Variants in GSE1 observed in about 807,000 individuals in gnomAD.
GSE1 encodes the protein genetic suppressor element 1.
GSE1 carries 32 observed loss-of-function variants against 112.6 expected under a neutral mutation model. The observed-to-expected ratio is 0.28, with a 90% CI of 0.21 to 0.38. GSE1 has a LOEUF of 0.38. GSE1 is among the 10% of genes least tolerant of loss of function. The pLI, the probability that GSE1 is intolerant of heterozygous loss-of-function variation, is 1.00. For synonymous variants in GSE1, 1,115 were observed against 735.6 expected (o/e 1.52, Z -8.35); for missense variants, 2,348 against 1,699.2 (o/e 1.38, Z -6.71).
chr16:85,295,859 C>T (rs2045351580), intron 1 of GSE1, among the ~76,000 whole-genome samples: 1 of 151,448 alleles, frequency 6.6e-6, no homozygotes, highest in East Asian at 1.9e-4. Flanking sequence ...CCCACCTTGG[C>T]CTCCCAAAGT....
At chr16:85,292,722 A>G (rs2045258755) in intron 1 of GSE1, among the ~76,000 whole-genome samples, 1 of 152,092 alleles carries the variant, frequency 6.6e-6, no homozygotes, top group Non-Finnish European at 1.5e-5. Context: ...GACCTCCCAA[A>G]GTGCTGGGAT....
chr16:85,434,040 G>C (rs2049184149), intron 2 of GSE1, among the ~76,000 whole-genome samples: 1 of 152,138 alleles, frequency 6.6e-6, no homozygotes, highest in South Asian at 2.1e-4. Context: ...CTGAGGGCCT[G>C]TGGGCACCAA....
chr16:85,295,729 A>G (rs952111700), intron 1 of GSE1, among the ~76,000 whole-genome samples: 1 of 151,550 alleles, frequency 6.6e-6, no homozygotes, highest in African/African-American at 2.4e-5. Flanking sequence ...GAAAACACAC[A>G]TCGATCCTTT....
At chr16:85,616,873 G>C (rs186238919) in intron 1 of GSE1, among the ~76,000 whole-genome samples, 1 of 152,176 alleles carries the variant, frequency 6.6e-6, no homozygotes, top group Non-Finnish European at 1.5e-5. Context: ...GAATCCAGCC[G>C]TGTGCTTGCT....
intron 1 of GSE1, among the ~76,000 whole-genome samples, chr16:85,321,946 C>G (rs1266321076): frequency 6.6e-6 from 1 of 152,206 alleles, no homozygotes; most frequent in Admixed American, 6.5e-5. Context: ...TGGGGTAGAG[C>G]CAGACCCCAA....
intron 1 of GSE1, among the ~76,000 whole-genome samples, chr16:85,287,429 T>G (rs933623969): frequency 6.6e-6 from 1 of 152,066 alleles, no homozygotes; most frequent in South Asian, 2.1e-4. Flanking sequence ...GACAAGGCAG[T>G]AATGATCCAC....
At chr16:85,570,636 C>T (rs1248444159) in intron 1 of GSE1, among the ~76,000 whole-genome samples, 1 of 152,288 alleles carries the variant, frequency 6.6e-6, no homozygotes, top group African/African-American at 2.4e-5. Flanking sequence ...GGGTGAGCCG[C>T]GTGGGAGGAA....
intron 1 of GSE1, among the ~76,000 whole-genome samples, chr16:85,280,536 C>G (rs1225985507): frequency 6.6e-6 from 1 of 152,194 alleles, no homozygotes; most frequent in African/African-American, 2.4e-5. Flanking sequence ...GCTGGGACTA[C>G]AGGCGCCCGC....
At chr16:85,293,593 G>T (rs1284187637) in intron 1 of GSE1, among the ~76,000 whole-genome samples, 4 of 152,156 alleles carry the variant, frequency 2.6e-5, no homozygotes, top group Non-Finnish European at 5.9e-5. Flanking sequence ...CAGTAGAAAT[G>T]TATTCTCTCA....
At chr16:85,434,248 C>A (rs938346091) in intron 2 of GSE1, among the ~76,000 whole-genome samples, 4 of 151,854 alleles carry the variant, frequency 2.6e-5, no homozygotes, top group African/African-American at 9.7e-5. Flanking sequence ...CGCCTTACAG[C>A]CCCTCCTGCC....
chr16:85,261,565 G>A (rs1346207477), intron 1 of GSE1, among the ~76,000 whole-genome samples: 2 of 152,222 alleles, frequency 1.3e-5, no homozygotes, highest in African/African-American at 2.4e-5. Flanking sequence ...GAGAGGCCAG[G>A]ACAGGCTCAG....
At chr16:85,628,270 ACAT>A (rs1814738504) in intron 1 of GSE1, among the ~76,000 whole-genome samples, 1 of 152,246 alleles carries the variant, frequency 6.6e-6, no homozygotes. Context: ...AAGTGACCTG[ACAT>A]CAGCAGAGCC....
chr16:85,498,129 C>G (rs1186062470), intron 2 of GSE1, among the ~76,000 whole-genome samples: 1 of 152,042 alleles, frequency 6.6e-6, no homozygotes, highest in Non-Finnish European at 1.5e-5. Flanking sequence ...GAGAGTGGAG[C>G]TGGCGGGAGG....
intron 1 of GSE1, among the ~76,000 whole-genome samples, chr16:85,586,761 G>A (rs2046717143): frequency 6.6e-6 from 1 of 152,170 alleles, no homozygotes. Flanking sequence ...CTTTCTCCTG[G>A]GCTGCAGGAA....
intron 2 of GSE1, among the ~76,000 whole-genome samples, chr16:85,407,898 G>C (rs1168367923): frequency 5.4e-5 from 2 of 37,142 alleles, no homozygotes; most frequent in Non-Finnish European, 5.1e-5. Context: ...TACACTCAGG[G>C]CCCCCCTGGA....
chr16:85,170,843 A>G (rs1384871038), exon 1 of GSE1: 1 of 985,492 alleles, frequency 1.0e-6, no homozygotes, highest in Non-Finnish European at 1.2e-6. Flanking sequence ...GAGCTGGCCA[A>G]CGTGCCAGTC....
chr16:85,327,215 C>T (rs2046244382), intron 1 of GSE1, among the ~76,000 whole-genome samples: 1 of 152,194 alleles, frequency 6.6e-6, no homozygotes, highest in African/African-American at 2.4e-5. Context: ...GCCTCCAAAG[C>T]CACAAGGCAC....
chr16:85,590,812 G>T (rs574034623), intron 1 of GSE1, among the ~76,000 whole-genome samples: 1 of 152,224 alleles, frequency 6.6e-6, no homozygotes, highest in Non-Finnish European at 1.5e-5. Context: ...GTGACCCTCC[G>T]CAGCTCACTC....
intron 1 of GSE1, among the ~76,000 whole-genome samples, chr16:85,255,207 C>T (rs1197430738): frequency 6.6e-6 from 1 of 152,150 alleles, no homozygotes; most frequent in African/African-American, 2.4e-5. Flanking sequence ...CGCTCCCCAG[C>T]CCTTCCAGAG....
Sources: gnomAD v4.1 joint callset for allele counts (sites outside exome capture counted in the v4.1 genomes callset) on GRCh38, gnomAD v4.1.1 for gene constraint, MANE v1.5 for transcripts, NCBI Gene and HGNC (gene_info 2026-07-23, HGNC 2026-07-21) for gene names.